Variants in ZHX3 observed in about 807,000 individuals in gnomAD.
ZHX3 encodes zinc fingers and homeoboxes 3, also known as zinc fingers and homeoboxes protein 3.
In ZHX3, 20 loss-of-function variants were observed where a neutral mutation model predicts 64.5. The observed-to-expected ratio is 0.31, with a 90% CI of 0.22 to 0.45. ZHX3 has a LOEUF of 0.45. ZHX3 is among the 20% of genes least tolerant of loss of function. The pLI is 1.00. For missense variants in ZHX3, 1,041 were observed against 1,195.8 expected, an observed-to-expected ratio of 0.87 and a Z score of 1.91; for synonymous variants, 423 against 461.6, an observed-to-expected ratio of 0.92 and a Z score of 1.07.
intron 2 of ZHX3, among the ~76,000 whole-genome samples, chr20:41,235,006 T>C (rs2040870963): frequency 6.6e-6 from 1 of 152,236 alleles, no homozygotes; most frequent in Admixed American, 6.5e-5. Context: ...TAGTAGGAAA[T>C]GAGTATAGTT....
At chr20:41,263,909 T>G (rs75182860) in intron 2 of ZHX3, among the ~76,000 whole-genome samples, 1 of 151,992 alleles carries the variant, frequency 6.6e-6, no homozygotes, top group Non-Finnish European at 1.5e-5. Context: ...TTGCTGTGAA[T>G]AGACTAAAAT....
intron 1 of ZHX3, among the ~76,000 whole-genome samples, chr20:41,281,561 G>A (rs939532913): frequency 3.3e-5 from 5 of 152,196 alleles, no homozygotes; most frequent in African/African-American, 4.8e-5. Context: ...GCTGGGAGTA[G>A]GAAAGAGTAG....
At chr20:41,263,919 T>C (rs1369772647) in intron 2 of ZHX3, among the ~76,000 whole-genome samples, 2 of 152,064 alleles carry the variant, frequency 1.3e-5, no homozygotes, top group Non-Finnish European at 2.9e-5. Context: ...TAGACTAAAA[T>C]TGATACTACT....
chr20:41,316,214 T>C (rs1180807222), intron 1 of ZHX3, among the ~76,000 whole-genome samples: 2 of 152,210 alleles, frequency 1.3e-5, no homozygotes, highest in Non-Finnish European at 2.9e-5. Flanking sequence ...TACAGCAACT[T>C]TGATACCATC....
At chr20:41,270,350 T>C (rs541580252) in intron 1 of ZHX3, among the ~76,000 whole-genome samples, 3 of 104,774 alleles carry the variant, frequency 2.9e-5, no homozygotes, top group African/African-American at 3.8e-5. Flanking sequence ...CACTCCAGCC[T>C]GGGCAACAGA....
At position 41,202,639 on chromosome 20, in the gene ZHX3, C is replaced by T. The variant is rs1198295485; in HGVS notation, c.2278G>A (p.Ala760Thr). The T allele has an allele frequency of 7.4e-6, 12 of 1,613,886 alleles. No homozygotes were observed. Among genetic ancestry groups the T allele is most frequent in the Non-Finnish European group, 9.3e-6 (11 of 1,180,004 alleles). ...CTCACTTTGCCTGGGAGCTGCTCTG[C>T]CAGTTTGTTTGACTCATCATCCTCA... ...DPEDDESNKL[A>T]EQLPGKVSCK... Residue 760 changes from alanine (A) to threonine (T), a missense_variant, in exon 3 of 4, where the codon GCA becomes ACA. Around this residue, in one of 4 missense-constraint regions of ZHX3, gnomAD observed 649 missense variants for 739.8 expected, o/e 0.88. Transcript: ENST00000683867. The surrounding 1 kb of genome is among the most constrained non-coding windows in gnomAD (Gnocchi z 7.0).
chr20:41,204,185 G>A lies in ZHX3; in HGVS notation c.732C>T (p.Ala244=). Residue 244 remains alanine, a synonymous_variant, in exon 3 of 4, where the codon GCC becomes GCT. Transcript: ENST00000683867. This position sits in a 1 kb window ranked among gnomAD's most constrained non-coding sequence, Gnocchi z 6.6. ...NGAVPVSQAS[A]SSAKNPHAAN... ...CGGCATGGGGGTTTTTTGCAGAGCT[G>A]GCAGATGCCTGGCTGACTGGAACTG... The A allele has an allele frequency of 6.2e-7, 1 of 1,609,616 alleles. No homozygotes were observed. The highest frequency in any genetic ancestry group is 1.1e-5 in the South Asian group (1 of 90,312).
At chr20:41,277,574 C>T (rs1410807375) in intron 1 of ZHX3, among the ~76,000 whole-genome samples, 1 of 150,806 alleles carries the variant, frequency 6.6e-6, no homozygotes, top group African/African-American at 2.5e-5. Context: ...TTCTCTTGCC[C>T]TACCCTCCAT....
Position 41,202,653 on chromosome 20 carries a change from T to C in ZHX3, c.2264A>G (p.Glu755Gly), listed in dbSNP as rs1478701616. The C allele has an allele frequency of 6.2e-7, 1 of 1,614,020 alleles. No individual in the cohort carries two copies. The highest frequency in any genetic ancestry group is 1.7e-5 in the Admixed American group (1 of 60,018). The change falls in exon 3 of 4, where the codon GAG becomes GGG. Residue 755 changes from glutamate (E) to glycine (G), a missense_variant. Glu to Gly is a moderately conservative substitution (Grantham distance 98). Around this residue, in one of 4 missense-constraint regions of ZHX3, gnomAD observed 649 missense variants for 739.8 expected, o/e 0.88. Coordinates refer to ENST00000683867, the MANE Select transcript of ZHX3 (RefSeq NM_001384317.1). The surrounding 1 kb of genome is among the most constrained non-coding windows in gnomAD (Gnocchi z 7.0). ...GLGACDPEDD[E>G]SNKLAEQLPG... Reference sequence around the variant, plus strand: ...GAGCTGCTCTGCCAGTTTGTTTGACTCATCATCCTCAGGGTCACAGGCACC... The same window carrying C: ...GAGCTGCTCTGCCAGTTTGTTTGACCCATCATCCTCAGGGTCACAGGCACC...
intron 1 of ZHX3, among the ~76,000 whole-genome samples, chr20:41,287,566 G>A (rs146299746): frequency 1.6e-4 from 25 of 152,266 alleles, no homozygotes; most frequent in African/African-American, 6.0e-4. Flanking sequence ...CTTCCATCCT[G>A]GGTTCTGTTT....
chr20:41,209,953 A>C (rs974252913), intron 2 of ZHX3, among the ~76,000 whole-genome samples: 1 of 152,218 alleles, frequency 6.6e-6, no homozygotes, highest in Non-Finnish European at 1.5e-5. Flanking sequence ...CCATCTGACA[A>C]AGGGCTAATA....
At chr20:41,265,361 C>A (rs1329026028) in intron 2 of ZHX3, among the ~76,000 whole-genome samples, 2 of 152,078 alleles carry the variant, frequency 1.3e-5, no homozygotes, top group African/African-American at 2.4e-5. Context: ...CACCACCACG[C>A]CCAGCTAATT....
In ZHX3 at chr20:41,204,833, C is replaced by T. The variant is rs1244623711; in HGVS notation, c.84G>A (p.Gln28=). Residue 28 remains glutamine, a synonymous_variant, in exon 3 of 4, where the codon CAG becomes CAA. Coordinates refer to ENST00000683867, the MANE Select transcript of ZHX3 (RefSeq NM_001384317.1). The surrounding 1 kb of genome is among the most constrained non-coding windows in gnomAD (Gnocchi z 6.6). ...GTCCTTCAGGCAAGGTCTCAGCGGG[C>T]TGGGCCTCCATGCTGGCATCTTGCA... ...VVLQDASMEA[Q]PAETLPEGPQ... is the part of the protein sequence containing the mutation. The T allele has an allele frequency of 6.2e-7, 1 of 1,604,484 alleles. No individual in the cohort carries two copies. Among genetic ancestry groups the T allele is most frequent in the East Asian group, 2.2e-5 (1 of 44,760 alleles).
chr20:41,223,003 T>C (rs1253560943), intron 2 of ZHX3, among the ~76,000 whole-genome samples: 2 of 152,104 alleles, frequency 1.3e-5, no homozygotes, highest in African/African-American at 2.4e-5. Flanking sequence ...TTAGTCTGTA[T>C]TGATGATTTT....
At chr20:41,298,590 G>C (rs1217420072) in intron 1 of ZHX3, among the ~76,000 whole-genome samples, 1 of 152,194 alleles carries the variant, frequency 6.6e-6, no homozygotes, top group Non-Finnish European at 1.5e-5. Flanking sequence ...TAAGATCACT[G>C]AGCTAGAAAT....
chr20:41,199,856 A>G (rs2038077634), intron 3 of ZHX3, among the ~76,000 whole-genome samples: 1 of 152,110 alleles, frequency 6.6e-6, no homozygotes, highest in East Asian at 1.9e-4. Flanking sequence ...ACTCACCAAC[A>G]TGCCTGGCTA....
chr20:41,309,741 T>G (rs575895898), intron 1 of ZHX3, among the ~76,000 whole-genome samples: 1 of 152,296 alleles, frequency 6.6e-6, no homozygotes, highest in Admixed American at 6.5e-5. Flanking sequence ...TGCTGAAGAT[T>G]CGGCCCACTT....
At chr20:41,237,816 TA>T (rs1390926860) in intron 2 of ZHX3, among the ~76,000 whole-genome samples, 1 of 152,238 alleles carries the variant, frequency 6.6e-6, no homozygotes, top group African/African-American at 2.4e-5. Flanking sequence ...GCATATTTTA[TA>T]ATGGCGGTGA....
intron 2 of ZHX3, among the ~76,000 whole-genome samples, chr20:41,235,943 G>A (rs2040951605): frequency 6.6e-6 from 1 of 152,162 alleles, no homozygotes; most frequent in Admixed American, 6.5e-5. Context: ...CAAAATCAAT[G>A]TGCAAAAATC....
Sources: allele counts gnomAD v4.1 joint callset (sites outside exome capture counted in the v4.1 genomes callset), GRCh38; gene constraint gnomAD v4.1.1; regional missense constraint gnomAD v4.1.1; non-coding constraint Gnocchi (gnomAD v3.1); transcripts MANE v1.5; gene names NCBI Gene and HGNC (gene_info 2026-07-23, HGNC 2026-07-21).